Variants in SMOC1 observed in about 807,000 individuals in gnomAD.
SMOC1 encodes SPARC-related modular calcium-binding protein 1.
In SMOC1, 22 loss-of-function variants were observed where a neutral mutation model predicts 56.3. The observed-to-expected ratio is 0.39, with a 90% confidence interval of 0.28 to 0.56. The LOEUF (loss-of-function observed/expected upper bound fraction) is 0.56, where lower values mean the gene tolerates loss of function less well. Among genes scored for constraint, SMOC1 ranks in the 20% least tolerant of loss-of-function variants. The probability of loss-of-function intolerance (pLI) is 0.61; values close to 1 mark genes in which losing one functional copy is unlikely to be tolerated. For missense variants in SMOC1, 509 were observed against 565.4 expected (o/e 0.90, Z 1.01); for synonymous variants, 193 against 215.0 (o/e 0.90, Z 0.89).
At chr14:69,961,870 C>T (rs980692915) in intron 3 of SMOC1, among the ~76,000 whole-genome samples, 38 of 152,246 alleles carry the variant, frequency 2.5e-4, no homozygotes, top group African/African-American at 7.5e-4. Context: ...ACATTCCCAC[C>T]GGCAATGTAT....
chr14:70,008,900 C>T (rs1156710556), intron 7 of SMOC1, among the ~76,000 whole-genome samples: 1 of 152,152 alleles, frequency 6.6e-6, no homozygotes. Context: ...TTGAAGTTGC[C>T]ATGGCACCTT....
rs931406422 is a variant in SMOC1, at chr14:70,030,756, T to G, written c.*498T>G. ...CTCTATCCTGGGCCTACTAAACTTC[T>G]GTTTGGAGACTGACCCTTGTGTATA... On this transcript the variant is annotated 3_prime_UTR_variant, in exon 12 of 12. Coordinates refer to ENST00000361956, the MANE Select transcript of SMOC1 (RefSeq NM_001034852.3). The G allele has an allele frequency of 1.3e-5, 2 of 155,348 alleles. No individual in the cohort carries two copies. The highest frequency in any genetic ancestry group is 6.4e-5 in the Admixed American group (1 of 15,722). 9.6% of individuals were successfully genotyped at this position (155,348 alleles called of 1,614,324 possible). A position where few individuals can be genotyped will look rare whatever the true frequency, so the allele number is the denominator to read the frequency against.
At chr14:69,979,483 A>G (rs1302799499) in intron 5 of SMOC1, among the ~76,000 whole-genome samples, 1 of 152,122 alleles carries the variant, frequency 6.6e-6, no homozygotes, top group East Asian at 1.9e-4. Flanking sequence ...GTTCCCTCCT[A>G]GGTGGGAAAG....
At chr14:69,977,767 T>C (rs1884021145) in intron 4 of SMOC1, 151 bp from the exon 5 acceptor site, 1 of 720,610 alleles carries the variant, frequency 1.4e-6, no homozygotes, top group Non-Finnish European at 2.6e-6. Context: ...TGTGTATATG[T>C]ACTAACATTG....
intron 1 of SMOC1, among the ~76,000 whole-genome samples, chr14:69,919,447 GT>G (rs1462459055): frequency 6.6e-6 from 1 of 152,114 alleles, no homozygotes; most frequent in Non-Finnish European, 1.5e-5. Context: ...AAAAATAATA[GT>G]TATAATTTAA....
chr14:69,994,012 T>A (rs972942902), intron 6 of SMOC1, among the ~76,000 whole-genome samples: 6 of 152,194 alleles, frequency 3.9e-5, no homozygotes, highest in Non-Finnish European at 8.8e-5. Context: ...TCCCCTAGAA[T>A]GGTCTCTGTG....
chr14:69,911,744 C>T (rs1884561252), intron 1 of SMOC1, among the ~76,000 whole-genome samples: 1 of 152,198 alleles, frequency 6.6e-6, no homozygotes, highest in Non-Finnish European at 1.5e-5. Flanking sequence ...TTTGTTCATG[C>T]ATTCACCAGA....
intron 10 of SMOC1, among the ~76,000 whole-genome samples, chr14:70,018,123 T>C (rs1448521749): frequency 6.6e-6 from 1 of 152,052 alleles, no homozygotes; most frequent in African/African-American, 2.4e-5. Flanking sequence ...GGAGTCAAGA[T>C]GCAGGGCAGA....
intron 1 of SMOC1, among the ~76,000 whole-genome samples, chr14:69,891,057 T>A (rs1883947222): frequency 6.6e-6 from 1 of 152,242 alleles, no homozygotes; most frequent in African/African-American, 2.4e-5. Context: ...AATCTAAAGC[T>A]GTACTCATTA....
intron 1 of SMOC1, among the ~76,000 whole-genome samples, chr14:69,918,795 GC>G (rs1884755210): frequency 6.6e-6 from 1 of 152,164 alleles, no homozygotes; most frequent in Non-Finnish European, 1.5e-5. Context: ...TTTCATAGCT[GC>G]CCAGCTGCCA....
At chr14:69,912,917 A>T (rs893665519) in intron 1 of SMOC1, among the ~76,000 whole-genome samples, 2 of 152,182 alleles carry the variant, frequency 1.3e-5, no homozygotes, top group African/African-American at 4.8e-5. Context: ...GGAAATATCC[A>T]GGCCTGTTTA....
chr14:69,953,548 A>G lies in SMOC1; in HGVS notation c.378+16A>G, dbSNP rs780114423. The G allele has an allele frequency of 2.5e-6, 4 of 1,605,298 alleles. No homozygotes were observed. The highest frequency in any genetic ancestry group is 1.1e-5 in the South Asian group (1 of 90,938). On this transcript the variant is annotated intron_variant, in intron 3 of 11. Transcript: ENST00000361956. Reference sequence around the variant, plus strand: ...CTTTACCCAGGTGAGGCCTCGGACAATCCTCTTGGGCTCTTTCCTGGACCG... The same window carrying G: ...CTTTACCCAGGTGAGGCCTCGGACAGTCCTCTTGGGCTCTTTCCTGGACCG...
intron 1 of SMOC1, among the ~76,000 whole-genome samples, chr14:69,928,177 A>G (rs1172064104): frequency 3.3e-5 from 5 of 152,216 alleles, no homozygotes; most frequent in Admixed American, 2.0e-4. Flanking sequence ...GCTGGCACCC[A>G]GATGGCTGAT....
chr14:69,916,334 C>G (rs1032222097), intron 1 of SMOC1, among the ~76,000 whole-genome samples: 16 of 152,264 alleles, frequency 1.1e-4, no homozygotes, highest in African/African-American at 3.9e-4. Flanking sequence ...TAGCCTGGTC[C>G]AAGCCGTTAG....
At chr14:69,988,289 C>CTTTTTT (rs11367943) in intron 5 of SMOC1, among the ~76,000 whole-genome samples, 1 of 146,468 alleles carries the variant, frequency 6.8e-6, no homozygotes, top group African/African-American at 2.5e-5. Context: ...TTTGAATTGG[C>CTTTTTT]TTTTTTTTTT....
intron 7 of SMOC1, among the ~76,000 whole-genome samples, chr14:69,997,915 T>G (rs1057180762): frequency 1.3e-5 from 2 of 152,084 alleles, no homozygotes; most frequent in Non-Finnish European, 2.9e-5. Flanking sequence ...GGGTGAGAGC[T>G]CTTCTTCTCA....
chr14:69,943,782 C>A (rs1329102213), intron 1 of SMOC1, among the ~76,000 whole-genome samples: 1 of 152,194 alleles, frequency 6.6e-6, no homozygotes, highest in Admixed American at 6.5e-5. Flanking sequence ...GAAAAACATC[C>A]CCTCTCTTGG....
intron 1 of SMOC1, among the ~76,000 whole-genome samples, chr14:69,918,236 A>ATT (rs199553975): frequency 1.1e-3 from 163 of 149,270 alleles, no homozygotes; most frequent in African/African-American, 3.5e-3. Context: ...ATATATATAT[A>ATT]TTTTTTTTTT....
At chr14:69,992,511 C>T (rs1404336723) in intron 6 of SMOC1, 38 bp downstream of exon 6, 1 of 1,479,710 alleles carries the variant, frequency 6.8e-7, no homozygotes, top group Non-Finnish European at 9.5e-7. Flanking sequence ...CATTCTCCCA[C>T]TCATTTTCAG....
Sources: allele counts gnomAD v4.1 joint callset (sites outside exome capture counted in the v4.1 genomes callset), GRCh38; gene constraint gnomAD v4.1.1; transcripts MANE v1.5; gene names NCBI Gene and HGNC (gene_info 2026-07-23, HGNC 2026-07-21).